Variants in SLC14A2 observed in about 807,000 individuals in gnomAD.
SLC14A2 encodes the protein solute carrier family 14 member 2.
Under a neutral mutation model 104.6 loss-of-function variants are expected in SLC14A2, and 91 were observed. That is an observed-to-expected ratio of 0.87 (90% CI 0.73 to 1.04). The LOEUF is 1.04. SLC14A2 is among the 50% of genes least tolerant of loss of function. SLC14A2 has a pLI of 0.00. For missense variants in SLC14A2, 1,189 were observed against 1,156.0 expected, an observed-to-expected ratio of 1.03 and a Z score of -0.41; for synonymous variants, 476 against 466.4, an observed-to-expected ratio of 1.02 and a Z score of -0.27.
chr18:45,474,110 G>T (rs953819138), intron 1 of SLC14A2, among the ~76,000 whole-genome samples: 1 of 152,088 alleles, frequency 6.6e-6, no homozygotes, highest in Admixed American at 6.6e-5. Context: ...TTTATTGAAG[G>T]CCTTTTCTGC....
rs530481508 is a variant in SLC14A2 at position 45,413,986 on chromosome 18, T to G, written c.-124-69247T>G. 2.0e-5 allele frequency among the ~76,000 whole-genome samples: 3 copies of G among 152,312 alleles called. No homozygotes were observed. In the East Asian group the frequency reaches 5.8e-4, roughly 29 times the overall value. ...AAGAAAATCACGTGGAGGTCTATAT[T>G]TGAAGAATGAGACCTGTGCCTCGTA... On this transcript the variant is annotated intron_variant, in intron 1 of 20. Transcript: ENST00000586448.
Position 45,644,153 on chromosome 18 carries a change from C to T in SLC14A2, c.1344C>T (p.Ala448=). The part of the protein sequence containing the change: ...LTVKSGEEEK[A]PSGGGGEHPP... ...TGAAAAGCGGTGAAGAAGAGAAGGCCCCCAGCGGTGAATAGCCATGTTCGG... is the reference window on the plus strand; with the variant it reads ...TGAAAAGCGGTGAAGAAGAGAAGGCTCCCAGCGGTGAATAGCCATGTTCGG... Residue 448 remains alanine, a synonymous_variant, in exon 10 of 20, where the codon GCC becomes GCT. Transcript: ENST00000255226. 6.2e-7 allele frequency: 1 copy of T among 1,614,156 alleles called. No homozygotes were observed. Among genetic ancestry groups the T allele is most frequent in the Non-Finnish European group, 8.5e-7 (1 of 1,180,000 alleles).
At chr18:45,527,071 G>T (rs1448611190) in intron 2 of SLC14A2, among the ~76,000 whole-genome samples, 1 of 152,156 alleles carries the variant, frequency 6.6e-6, no homozygotes, top group Non-Finnish European at 1.5e-5. Flanking sequence ...CCAGAGAGGG[G>T]CATGACTTGC....
At chr18:45,403,708 T>C (rs2086120954) in intron 1 of SLC14A2, among the ~76,000 whole-genome samples, 1 of 152,184 alleles carries the variant, frequency 6.6e-6, no homozygotes. Flanking sequence ...TTCTTCTTTC[T>C]ATCCCCAGTA....
the SLC14A2 span, among the ~76,000 whole-genome samples, chr18:45,191,214 T>C: frequency 6.6e-6 from 1 of 152,118 alleles, no homozygotes. Context: ...TGTGCCCTGT[T>C]GAGGTCATGT....
intron 1 of SLC14A2, among the ~76,000 whole-genome samples, chr18:45,372,282 A>AGGCTG (rs2085731133): frequency 6.6e-6 from 1 of 151,738 alleles, no homozygotes; most frequent in Non-Finnish European, 1.5e-5. Context: ...ACTGCACTCC[A>AGGCTG]GCCTGGACAA....
At chr18:45,628,456 AAAAG>A (rs1420613957) in intron 4 of SLC14A2, among the ~76,000 whole-genome samples, 4 of 151,696 alleles carry the variant, frequency 2.6e-5, no homozygotes, top group South Asian at 4.2e-4. Context: ...AAAAAAAAAA[AAAAG>A]AAAGAAAGAA....
chr18:45,335,809 G>A (rs1287349027), intron 1 of SLC14A2, among the ~76,000 whole-genome samples: 1 of 152,134 alleles, frequency 6.6e-6, no homozygotes, highest in Non-Finnish European at 1.5e-5. Flanking sequence ...TCCTCTTCCA[G>A]CCAGGAAAGG....
At chr18:45,460,348 T>A (rs1023330997) in intron 1 of SLC14A2, among the ~76,000 whole-genome samples, 1 of 152,154 alleles carries the variant, frequency 6.6e-6, no homozygotes, top group African/African-American at 2.4e-5. Flanking sequence ...ACCCTCCCAA[T>A]GAAGTCTTCC....
intron 1 of SLC14A2, among the ~76,000 whole-genome samples, chr18:45,346,953 C>T (rs922914360): frequency 6.8e-6 from 1 of 146,768 alleles, no homozygotes; most frequent in Non-Finnish European, 1.5e-5. Context: ...GGCAACACAG[C>T]GAGACTCAAA....
intron 1 of SLC14A2, among the ~76,000 whole-genome samples, chr18:45,293,663 G>A (rs369625291): frequency 6.6e-6 from 1 of 152,210 alleles, no homozygotes; most frequent in Non-Finnish European, 1.5e-5. Flanking sequence ...AGGCAAGTTT[G>A]ATCTTTAAAG....
Position 45,582,574 on chromosome 18 carries a change from TACAATAAAC to T in SLC14A2, c.-34-42053_-34-42045del, listed in dbSNP as rs1323486852. ...AAGGGAATGTAAAATAATCAATAAA[TACAATAAAC>T]ACACACAAACTTTAGTCCAACGTGC... On this transcript the variant is annotated intron_variant, in intron 2 of 20. Transcript: ENST00000586448. Among the ~76,000 whole-genome samples the T allele has an allele frequency of 3.3e-5, 5 of 152,278 alleles. No homozygotes were observed. The East Asian group carries it at 9.6e-4, about 29-fold the overall frequency.
At chr18:45,503,558 T>C (rs181315555) in intron 2 of SLC14A2, among the ~76,000 whole-genome samples, 29 of 152,352 alleles carry the variant, frequency 1.9e-4, no homozygotes, top group Admixed American at 3.3e-4. Flanking sequence ...CATCAAGCTT[T>C]AGTCTCTGCA....
intron 1 of SLC14A2, among the ~76,000 whole-genome samples, chr18:45,381,672 C>T (rs1168779469): frequency 6.6e-6 from 1 of 152,174 alleles, no homozygotes; most frequent in Non-Finnish European, 1.5e-5. Flanking sequence ...TATCTTAATT[C>T]AAGTAACATT....
At chr18:45,396,363 C>T (rs1598753559) in intron 1 of SLC14A2, among the ~76,000 whole-genome samples, 1 of 152,138 alleles carries the variant, frequency 6.6e-6, no homozygotes, top group Non-Finnish European at 1.5e-5. Flanking sequence ...CTATTATAGA[C>T]TTTTCTCCAT....
chr18:45,679,048 G>T (rs773168154), intron 19 of SLC14A2, 24 bp downstream of exon 19: 1 of 1,608,514 alleles, frequency 6.2e-7, no homozygotes, highest in Non-Finnish European at 8.5e-7. Flanking sequence ...GGCTCAGAAC[G>T]TGCCTACAAC....
intron 1 of SLC14A2, among the ~76,000 whole-genome samples, chr18:45,273,474 TC>T (rs1294320112): frequency 6.6e-6 from 1 of 152,088 alleles, no homozygotes; most frequent in Admixed American, 6.6e-5. Context: ...GGTAAGAATT[TC>T]CCAGGAGAAA....
At chr18:45,454,441 C>T (rs1208901539) in intron 1 of SLC14A2, among the ~76,000 whole-genome samples, 1 of 152,066 alleles carries the variant, frequency 6.6e-6, no homozygotes, top group Non-Finnish European at 1.5e-5. Context: ...AATTTTCCTC[C>T]CATTCTGTAG....
chr18:45,531,144 G>C (rs1309809759), intron 2 of SLC14A2, among the ~76,000 whole-genome samples: 2 of 152,166 alleles, frequency 1.3e-5, no homozygotes, highest in Non-Finnish European at 2.9e-5. Context: ...ATTGTGAATA[G>C]TGTCACAATA....
Sources: allele counts gnomAD v4.1 joint callset (sites outside exome capture counted in the v4.1 genomes callset), GRCh38; gene constraint gnomAD v4.1.1; transcripts MANE v1.5; gene names NCBI Gene and HGNC (gene_info 2026-07-23, HGNC 2026-07-21).